Variants in DYRK4 observed in about 807,000 individuals in gnomAD.
DYRK4 encodes the protein dual specificity tyrosine-phosphorylation-regulated kinase 4.
In DYRK4, 64 loss-of-function variants were observed where a neutral mutation model predicts 68.3. The observed-to-expected ratio is 0.94, with a 90% CI of 0.77 to 1.15. DYRK4 has a LOEUF of 1.15. Ranked by LOEUF, DYRK4 falls within the 50% of genes most tolerant of loss-of-function variation. The pLI is 0.00. For synonymous variants in DYRK4, 274 were observed against 289.9 expected, an observed-to-expected ratio of 0.95 and a Z score of 0.56; for missense variants, 740 against 764.7, an observed-to-expected ratio of 0.97 and a Z score of 0.38.
chr12:4,613,432 A>C lies in DYRK4; in HGVS notation c.1667-83A>C. On this transcript the variant is annotated intron_variant, in intron 14 of 14. Coordinates refer to ENST00000543431, the MANE Select transcript of DYRK4 (RefSeq NM_001394779.1). The surrounding 1 kb of genome is among the most constrained non-coding windows in gnomAD (Gnocchi z 4.0). ...TATCATCACGGTCATCGTTTCCACT[A>C]AGTGATGTACAACCTAAAGGACAAT... is the stretch of plus-strand genomic sequence containing the variant. The C allele has an allele frequency of 6.7e-7, 1 of 1,490,682 alleles. No homozygotes were observed. The highest frequency in any genetic ancestry group is 2.3e-5 in the East Asian group (1 of 43,666). The allele number at this position is 1,490,682 out of a possible 1,614,324, so 92.3% of individuals were successfully genotyped here.
intron 11 of DYRK4, among the ~76,000 whole-genome samples, chr12:4,606,805 G>A (rs1446962140): frequency 2.0e-5 from 3 of 152,170 alleles, no homozygotes; most frequent in African/African-American, 4.8e-5. Context: ...GAGCAGCAAG[G>A]GCAGGTGACC....
rs189959614 is a variant in DYRK4 at position 4,612,545 on chromosome 12, G to T, written c.1493G>T (p.Trp498Leu). ...FLDFLRRCLV[W>L]EPSLRMTPDQ... ...TGTGGGGCTTTGTTGGGGTGCAGAT[G>T]GGAACCTTCTCTTCGCATGACCCCG... Residue 498 changes from tryptophan (W) to leucine (L), a missense_variant and splice_region_variant, in exon 14 of 15, where the codon TGG (tryptophan) becomes TTG (leucine). Trp to Leu is a moderately conservative substitution (Grantham distance 61, BLOSUM62 -2). Around this residue, in one of 3 missense-constraint regions of DYRK4, gnomAD observed 614 missense variants for 603.7 expected, o/e 1.02. Coordinates refer to ENST00000543431, the MANE Select transcript of DYRK4 (RefSeq NM_001394779.1). 4 of 1,613,876 alleles carry T rather than the reference G, an allele frequency of 2.5e-6. No individual in the cohort carries two copies. The highest frequency in any genetic ancestry group is 3.4e-6 in the Non-Finnish European group (4 of 1,179,818).
At chr12:4,573,401 T>C (rs1944752581) in intron 2 of DYRK4, 1 of 1,287,522 alleles carries the variant, frequency 7.8e-7, no homozygotes, top group African/African-American at 1.5e-5. Context: ...GGTGCTTTAA[T>C]TTCCAATCAA....
rs187627924 is a variant in DYRK4, at chr12:4,569,196, G to T, written c.132+1148G>T. On this transcript the variant is annotated intron_variant, in intron 2 of 14. Coordinates refer to ENST00000543431, the MANE Select transcript of DYRK4 (RefSeq NM_001394779.1). ...ACCCCACTACCCGTGCCACTACCAC[G>T]TATAACAAAACACGTTTATTTTGCA... Among the ~76,000 whole-genome samples the T allele has an allele frequency of 5.1e-3, 771 of 152,212 alleles. 11 individuals are homozygous for T. Among genetic ancestry groups the T allele is most frequent in the South Asian group, 0.027 (132 of 4,824 alleles).
intron 12 of DYRK4, 114 bp from the exon 13 acceptor site, chr12:4,610,041 C>T (rs1033826216): frequency 1.5e-5 from 12 of 791,396 alleles, no homozygotes; most frequent in African/African-American, 7.2e-5. Flanking sequence ...TGGCATGAGG[C>T]GAGTGTGTAA....
intron 2 of DYRK4, chr12:4,581,023 G>A (rs780781886): frequency 5.5e-6 from 2 of 364,866 alleles, no homozygotes; most frequent in South Asian, 2.1e-5. Context: ...ATGAGCCAGT[G>A]CTTCTAGAGT....
rs1565541885 is a variant in DYRK4 at position 4,604,945 on chromosome 12, A to T, written c.1158A>T (p.Arg386=). The change falls in exon 11 of 15, where the codon CGA becomes CGT. Residue 386 remains arginine, a synonymous_variant. Coordinates refer to ENST00000543431, the MANE Select transcript of DYRK4 (RefSeq NM_001394779.1). ...CGTACATCCAAAGCCGGTTCTACCG[A>T]TCCCCAGAAGTGATCCTGGGCCACC... ...VYTYIQSRFY[R]SPEVILGHPY... 1 of 1,611,778 alleles carries T rather than the reference A, an allele frequency of 6.2e-7. No homozygotes were observed. The highest frequency in any genetic ancestry group is 1.1e-5 in the South Asian group (1 of 90,842).
In DYRK4 at chr12:4,607,338, G is replaced by A; in HGVS notation, c.1311G>A (p.Leu437=). Residue 437 remains leucine, a synonymous_variant, in exon 12 of 15, where the codon CTG becomes CTA. Transcript: ENST00000543431. ...QLACIMEVLG[L]PPAGFIQTAS... is the part of the protein sequence containing the mutation. The stretch of plus-strand genomic sequence containing the variant: ...TTATCCTTATTAAGGTGCTGGGTCT[G>A]CCGCCAGCCGGCTTCATTCAGACAG... The A allele has an allele frequency of 6.2e-7, 1 of 1,614,200 alleles. No homozygotes were observed. The highest frequency in any genetic ancestry group is 2.2e-5 in the East Asian group (1 of 44,888).
intron 1 of DYRK4, among the ~76,000 whole-genome samples, chr12:4,562,555 G>A (rs568942867): frequency 6.6e-6 from 1 of 152,360 alleles, no homozygotes; most frequent in South Asian, 2.1e-4. Flanking sequence ...GCTGAGTGCA[G>A]GACAGGGAGC....
At chr12:4,592,874 C>T (rs1944972542) in intron 5 of DYRK4, 128 bp from the exon 6 acceptor site, 2 of 1,051,620 alleles carry the variant, frequency 1.9e-6, no homozygotes, top group Non-Finnish European at 1.4e-6. Context: ...GATGCAGGGT[C>T]CTCAGTGAGC....
At chr12:4,611,367 C>T (rs1485111079) in intron 13 of DYRK4, among the ~76,000 whole-genome samples, 1 of 152,204 alleles carries the variant, frequency 6.6e-6, no homozygotes, top group Non-Finnish European at 1.5e-5. Flanking sequence ...CCAGAAACCT[C>T]AACCATCCAG....
intron 9 of DYRK4, 159 bp from the exon 10 acceptor site, chr12:4,599,548 T>A (rs960821756): frequency 1.7e-6 from 1 of 597,528 alleles, no homozygotes; most frequent in Non-Finnish European, 2.9e-6. Context: ...AAATGGAAAG[T>A]CAGAGCGGAG....
At chr12:4,589,103 CCAATTT>C (rs1204572862) in intron 3 of DYRK4, 86 bp downstream of exon 3, 1 of 1,216,468 alleles carries the variant, frequency 8.2e-7, no homozygotes, top group Non-Finnish European at 1.2e-6. Flanking sequence ...ACAGTTTTGG[CCAATTT>C]ATCATAAAAT....
At chr12:4,576,508 T>C (rs1304520057) in intron 2 of DYRK4, among the ~76,000 whole-genome samples, 1 of 152,248 alleles carries the variant, frequency 6.6e-6, no homozygotes, top group Non-Finnish European at 1.5e-5. Flanking sequence ...ACATACATTT[T>C]TTTAGTTCAT....
intron 2 of DYRK4, among the ~76,000 whole-genome samples, chr12:4,572,238 G>C (rs929677585): frequency 4.6e-5 from 7 of 152,128 alleles, no homozygotes. Flanking sequence ...AACACCCAGG[G>C]AAGTTTTAAA....
intron 2 of DYRK4, among the ~76,000 whole-genome samples, chr12:4,582,681 C>T (rs985359773): frequency 6.6e-6 from 1 of 152,040 alleles, no homozygotes; most frequent in Non-Finnish European, 1.5e-5. Context: ...ACGATGGGGA[C>T]ATGGACTGGA....
intron 1 of DYRK4, among the ~76,000 whole-genome samples, chr12:4,563,405 C>T (rs1035983372): frequency 6.6e-6 from 1 of 152,172 alleles, no homozygotes; most frequent in Non-Finnish European, 1.5e-5. Flanking sequence ...AGTCCTCAAG[C>T]GTGTGGAGGA....
chr12:4,582,375 C>T (rs192476709), intron 2 of DYRK4, among the ~76,000 whole-genome samples: 4 of 152,170 alleles, frequency 2.6e-5, no homozygotes, highest in East Asian at 3.9e-4. Flanking sequence ...ACCTGGGAGG[C>T]GGAGGTTGCG....
chr12:4,607,064 G>C (rs954632435), intron 11 of DYRK4, among the ~76,000 whole-genome samples: 2 of 152,198 alleles, frequency 1.3e-5, no homozygotes, highest in African/African-American at 4.8e-5. Flanking sequence ...CTGCTATCAA[G>C]GGTGGTGGCC....
Sources: allele counts gnomAD v4.1 joint callset (sites outside exome capture counted in the v4.1 genomes callset), GRCh38; gene constraint gnomAD v4.1.1; regional missense constraint gnomAD v4.1.1; non-coding constraint Gnocchi (gnomAD v3.1); transcripts MANE v1.5; gene names NCBI Gene and HGNC (gene_info 2026-07-23, HGNC 2026-07-21).